The following FBXO4 variants were observed in gnomAD, a reference collection of about 807,000 sequenced individuals.
FBXO4 encodes F-box only protein 4.
In FBXO4, 36 loss-of-function variants were observed where a neutral mutation model predicts 43.7. That is an observed-to-expected ratio of 0.82 (90% CI 0.63 to 1.09). The LOEUF (loss-of-function observed/expected upper bound fraction) is 1.09, where lower values mean the gene tolerates loss of function less well. Ranked by LOEUF, FBXO4 falls within the 50% of genes least tolerant of loss-of-function variation. FBXO4 has a pLI of 0.00. For missense variants in FBXO4, 435 were observed against 474.1 expected (o/e 0.92, Z 0.77); for synonymous variants, 180 against 165.6 (o/e 1.09, Z -0.67).
chr5:41,967,618 G>A, the FBXO4 span: 1 of 1,070,272 alleles, frequency 9.3e-7, no homozygotes, highest in Non-Finnish European at 1.4e-6. Context: ...TCTTCCCTAG[G>A]GTTGGAATGC....
chr5:41,964,530 TTCTTTGGTGGAAAAGTAACTTGCA>T, the FBXO4 span, among the ~76,000 whole-genome samples: 1 of 151,710 alleles, frequency 6.6e-6, no homozygotes, highest in Admixed American at 6.6e-5. Flanking sequence ...CTGCTGAAAA[TTCTTTGGTGGAAAAGTAACTTGCA>T]TACTTATCCA....
chr5:42,004,793 C>A, the FBXO4 span, among the ~76,000 whole-genome samples: 1 of 151,984 alleles, frequency 6.6e-6, no homozygotes, highest in Non-Finnish European at 1.5e-5. Flanking sequence ...GTAGAATGGG[C>A]GGTGGTGAGG....
chr5:42,025,271 C>T, the FBXO4 span, among the ~76,000 whole-genome samples: 112 of 152,100 alleles, frequency 7.4e-4, 1 homozygote, highest in Middle Eastern at 3.4e-3. Flanking sequence ...GATGATATCT[C>T]ATTGTAGTTT....
At chr5:41,958,446 A>G in the FBXO4 span, among the ~76,000 whole-genome samples, 1 of 152,166 alleles carries the variant, frequency 6.6e-6, no homozygotes, top group Non-Finnish European at 1.5e-5. Context: ...ATTTTTAGGT[A>G]TACAATAAGT....
chr5:41,927,294 C>T (rs752977203), intron 2 of FBXO4, 46 bp downstream of exon 2: 2 of 1,367,286 alleles, frequency 1.5e-6, no homozygotes, highest in Non-Finnish European at 2.0e-6. Context: ...TTAAATTTTC[C>T]TGTATTACTA....
At chr5:42,004,068 C>T in the FBXO4 span, among the ~76,000 whole-genome samples, 1 of 152,104 alleles carries the variant, frequency 6.6e-6, no homozygotes, top group Non-Finnish European at 1.5e-5. Context: ...AGTTCATGTC[C>T]TTTGTAGGGA....
intron 6 of FBXO4, among the ~76,000 whole-genome samples, chr5:41,940,014 T>A (rs1441858009): frequency 6.6e-6 from 1 of 151,066 alleles, no homozygotes; most frequent in Non-Finnish European, 1.5e-5. Flanking sequence ...CACACCCAGA[T>A]AATTTTTTGT....
the FBXO4 span, among the ~76,000 whole-genome samples, chr5:41,960,331 G>T: frequency 6.6e-6 from 1 of 151,864 alleles, no homozygotes; most frequent in African/African-American, 2.4e-5. Context: ...TTCTGATTTG[G>T]ATGCCTTTAT....
chr5:41,934,912 G>C (rs1579981680), intron 5 of FBXO4: 1 of 980,276 alleles, frequency 1.0e-6, no homozygotes, highest in African/African-American at 1.7e-5. Context: ...AATCCTTTGT[G>C]AACAAGGTAG....
chr5:41,957,003 C>G, the FBXO4 span, among the ~76,000 whole-genome samples: 1 of 152,010 alleles, frequency 6.6e-6, no homozygotes, highest in African/African-American at 2.4e-5. Flanking sequence ...TAAGCCCCTG[C>G]GCCTGGCCTT....
At chr5:41,949,167 C>T in the FBXO4 span, among the ~76,000 whole-genome samples, 7 of 152,108 alleles carry the variant, frequency 4.6e-5, no homozygotes, top group South Asian at 2.1e-4. Context: ...ACAAGGATGC[C>T]CTCTCTCACC....
the FBXO4 span, among the ~76,000 whole-genome samples, chr5:42,033,440 A>T: frequency 2.6e-5 from 4 of 152,164 alleles, no homozygotes; most frequent in African/African-American, 9.6e-5. Flanking sequence ...GGTTTGTTAC[A>T]CAGATATACG....
chr5:41,948,881 C>A, the FBXO4 span, among the ~76,000 whole-genome samples: 3 of 152,100 alleles, frequency 2.0e-5, no homozygotes, highest in African/African-American at 7.2e-5. Context: ...AGGTCGGCTT[C>A]ATCCTGGGGT....
chr5:41,931,259 G>C (rs2112573913), intron 3 of FBXO4, among the ~76,000 whole-genome samples: 1 of 152,328 alleles, frequency 6.6e-6, no homozygotes, highest in South Asian at 2.1e-4. Context: ...GTCACTGTTA[G>C]TGAAGATGAG....
At chr5:41,971,865 T>C in the FBXO4 span, among the ~76,000 whole-genome samples, 1 of 152,106 alleles carries the variant, frequency 6.6e-6, no homozygotes. Context: ...TATAAATATG[T>C]ATTTTCAAAA....
At chr5:41,925,738 C>T (rs543847603) in intron 1 of FBXO4, among the ~76,000 whole-genome samples, 8 of 152,042 alleles carry the variant, frequency 5.3e-5, no homozygotes, top group Non-Finnish European at 1.0e-4. Context: ...TCATGGGGCC[C>T]CTGGGGACCC....
At chr5:42,019,301 T>C in the FBXO4 span, among the ~76,000 whole-genome samples, 1,437 of 152,298 alleles carry the variant, frequency 9.4e-3, 28 homozygotes, top group African/African-American at 0.033. Context: ...AATTTTTATA[T>C]AGATTACATG....
intron 5 of FBXO4, chr5:41,939,174 A>C (rs1297544074): frequency 3.7e-6 from 1 of 269,160 alleles, no homozygotes; most frequent in Non-Finnish European, 7.0e-6. Flanking sequence ...AAAAAAGCTA[A>C]ACTCTACTAT....
Position 41,925,363 on chromosome 5 carries a change from C to A in FBXO4, c.54C>A (p.Ser18Arg). 7.3e-7 allele frequency: 1 copy of A among 1,372,994 alleles called. No homozygotes were observed. Among genetic ancestry groups the A allele is most frequent in the Non-Finnish European group, 9.4e-7 (1 of 1,059,116 alleles). The allele number at this position is 1,372,994 out of a possible 1,614,324, so 85.1% of individuals were successfully genotyped here. A position where few individuals can be genotyped will look rare whatever the true frequency, so the allele number is the denominator to read the frequency against. The change falls in exon 1 of 7, where the codon AGC (serine) becomes AGA (arginine). Residue 18 changes from serine to arginine, a missense_variant. By Grantham distance (110) the Ser-to-Arg change is moderately radical. Transcript: ENST00000281623. ...CAAACTCGCCGCCGCCGCCCTTCAG[C>A]GACTGGGGCCGCCTGGAGGCGGCCA... The part of the protein sequence containing the change: ...SGTNSPPPPF[S>R]DWGRLEAAIL...
Sources: gnomAD v4.1 joint callset for allele counts (sites outside exome capture counted in the v4.1 genomes callset) on GRCh38, gnomAD v4.1.1 for gene constraint, MANE v1.5 for transcripts, NCBI Gene and HGNC (gene_info 2026-07-23, HGNC 2026-07-21) for gene names.